Variants in POU6F2 observed in about 807,000 individuals in gnomAD.
POU6F2 encodes POU class 6 homeobox 2, also known as POU domain, class 6, transcription factor 2.
POU6F2 carries 31 observed loss-of-function variants against 71.3 expected under a neutral mutation model. The observed-to-expected ratio is 0.43, with a 90% CI of 0.33 to 0.59. The LOEUF (loss-of-function observed/expected upper bound fraction) is 0.59, where lower values mean the gene tolerates loss of function less well. POU6F2 is among the 20% of genes least tolerant of loss of function. The pLI, the probability that POU6F2 is intolerant of heterozygous loss-of-function variation, is 0.04. For synonymous variants in POU6F2, 347 were observed against 355.7 expected, an observed-to-expected ratio of 0.98 and a Z score of 0.27; for missense variants, 783 against 856.8, an observed-to-expected ratio of 0.91 and a Z score of 1.07.
rs1411611565 is a variant in POU6F2, at chr7:39,362,078, G to A, written c.972+22063G>A. Among the ~76,000 whole-genome samples the A allele has an allele frequency of 2.6e-5, 4 of 152,198 alleles. No individual in the cohort carries two copies. The East Asian group carries it at 7.7e-4, about 29-fold the overall frequency. ...GTATTCAGTTTCCTCAGCCTCCAAT[G>A]TCATGGTAGCCCTTGCTATCCCCTT... On this transcript the variant is annotated intron_variant, in intron 5 of 9. Coordinates refer to ENST00000518318, the MANE Select transcript of POU6F2 (RefSeq NM_001370959.1).
At chr7:39,155,979 A>T (rs923058128) in intron 2 of POU6F2, among the ~76,000 whole-genome samples, 1 of 152,008 alleles carries the variant, frequency 6.6e-6, no homozygotes, top group Non-Finnish European at 1.5e-5. Flanking sequence ...CCAAAATGTA[A>T]CTCCTATCCT....
At chr7:39,400,123 C>A (rs114536408) in intron 5 of POU6F2, among the ~76,000 whole-genome samples, 2 of 152,178 alleles carry the variant, frequency 1.3e-5, no homozygotes, top group African/African-American at 2.4e-5. Context: ...CAAGTTCTAT[C>A]CCCATAGTCA....
At chr7:39,186,460 C>G (rs1346022435) in intron 2 of POU6F2, among the ~76,000 whole-genome samples, 2 of 152,070 alleles carry the variant, frequency 1.3e-5, no homozygotes, top group Non-Finnish European at 2.9e-5. Context: ...CATTACAGTC[C>G]ACCTATATCT....
chr7:39,409,334 G>C (rs1203857640), intron 6 of POU6F2, among the ~76,000 whole-genome samples: 1 of 152,292 alleles, frequency 6.6e-6, no homozygotes, highest in African/African-American at 2.4e-5. Context: ...GGTGAGGTTA[G>C]GTCTGTTGAG....
At chr7:39,224,796 G>A (rs554067337) in intron 4 of POU6F2, among the ~76,000 whole-genome samples, 1 of 152,308 alleles carries the variant, frequency 6.6e-6, no homozygotes, top group African/African-American at 2.4e-5. Context: ...CACAGAAAAA[G>A]GACATGCCTA....
At chr7:39,111,972 A>G (rs764327985) in intron 2 of POU6F2, among the ~76,000 whole-genome samples, 1 of 152,196 alleles carries the variant, frequency 6.6e-6, no homozygotes, top group Admixed American at 6.5e-5. Flanking sequence ...AAGAATTATA[A>G]AATAGCTAAA....
intron 4 of POU6F2, among the ~76,000 whole-genome samples, chr7:39,248,484 A>G (rs555899179): frequency 6.6e-6 from 1 of 152,310 alleles, no homozygotes; most frequent in East Asian, 1.9e-4. Flanking sequence ...GGGTGTGTCC[A>G]GATGTCTGTG....
At chr7:39,062,406 C>T (rs772793765) in intron 1 of POU6F2, among the ~76,000 whole-genome samples, 3 of 151,732 alleles carry the variant, frequency 2.0e-5, no homozygotes, top group African/African-American at 4.8e-5. Context: ...AGTTTGAACA[C>T]GATCTACCTT....
intron 2 of POU6F2, among the ~76,000 whole-genome samples, chr7:39,156,083 T>C (rs1380548515): frequency 1.3e-5 from 2 of 152,168 alleles, no homozygotes; most frequent in African/African-American, 2.4e-5. Flanking sequence ...AGAGACATAA[T>C]GACCTAAGAA....
At chr7:39,089,933 GC>G (rs1426150947) in intron 2 of POU6F2, among the ~76,000 whole-genome samples, 1 of 151,820 alleles carries the variant, frequency 6.6e-6, no homozygotes, top group Non-Finnish European at 1.5e-5. Flanking sequence ...ATCTTGGGTG[GC>G]TGTGTTAGTC....
chr7:39,278,638 C>A (rs548503485), intron 4 of POU6F2, among the ~76,000 whole-genome samples: 1 of 152,220 alleles, frequency 6.6e-6, no homozygotes, highest in African/African-American at 2.4e-5. Context: ...TGTGTAAGGG[C>A]TCTCCTTTCT....
chr7:39,441,676 A>G (rs1165905585), intron 7 of POU6F2, among the ~76,000 whole-genome samples: 1 of 152,244 alleles, frequency 6.6e-6, no homozygotes, highest in Admixed American at 6.5e-5. Flanking sequence ...AAAGCAATGA[A>G]GAAACATCAA....
intron 1 of POU6F2, among the ~76,000 whole-genome samples, chr7:39,073,741 G>C (rs948688618): frequency 2.6e-5 from 4 of 152,248 alleles, no homozygotes; most frequent in African/African-American, 9.6e-5. Flanking sequence ...GGAAGCACAG[G>C]AAGCAACGCT....
At chr7:39,260,565 CAT>C (rs1166570443) in intron 4 of POU6F2, among the ~76,000 whole-genome samples, 1 of 150,888 alleles carries the variant, frequency 6.6e-6, no homozygotes, top group East Asian at 2.0e-4. Flanking sequence ...ATTCCACACA[CAT>C]ACCACATTCC....
intron 6 of POU6F2, among the ~76,000 whole-genome samples, chr7:39,419,036 T>C (rs1337258770): frequency 6.8e-6 from 1 of 146,298 alleles, no homozygotes; most frequent in South Asian, 2.1e-4. Flanking sequence ...TGTGTATATA[T>C]ACATATATAT....
chr7:39,030,543 T>TATACAC (rs1491146903), intron 1 of POU6F2, among the ~76,000 whole-genome samples: 12 of 88,016 alleles, frequency 1.4e-4, no homozygotes, highest in Admixed American at 6.5e-4. Context: ...TATATATATA[T>TATACAC]ACACACACAT....
intron 1 of POU6F2, chr7:39,013,414 T>G (rs1022332232): frequency 2.6e-5 from 4 of 156,708 alleles, no homozygotes; most frequent in African/African-American, 9.6e-5. Flanking sequence ...CCCACTGACC[T>G]GCGCCCACTG....
At chr7:39,383,763 G>A (rs1257139857) in intron 5 of POU6F2, among the ~76,000 whole-genome samples, 1 of 152,194 alleles carries the variant, frequency 6.6e-6, no homozygotes, top group Non-Finnish European at 1.5e-5. Flanking sequence ...ATTTCTCTCT[G>A]TGAAAGCTAC....
intron 1 of POU6F2, among the ~76,000 whole-genome samples, chr7:39,054,874 AG>A (rs1790476807): frequency 6.6e-6 from 1 of 151,996 alleles, no homozygotes; most frequent in Non-Finnish European, 1.5e-5. Flanking sequence ...ACATGAAAAA[AG>A]CTGCAGAAGT....
Sources: gnomAD v4.1 joint callset for allele counts (sites outside exome capture counted in the v4.1 genomes callset) on GRCh38, gnomAD v4.1.1 for gene constraint, MANE v1.5 for transcripts, NCBI Gene and HGNC (gene_info 2026-07-23, HGNC 2026-07-21) for gene names.